TNRC18: variants seen among roughly 807,000 people sequenced by gnomAD.
TNRC18 encodes trinucleotide repeat containing 18, also known as trinucleotide repeat-containing gene 18 protein.
TNRC18 carries 69 observed loss-of-function variants against 226.7 expected under a neutral mutation model. The ratio of observed to expected loss-of-function variants is 0.30; its 90% CI spans 0.25 to 0.37. TNRC18 has a LOEUF of 0.37. Ranked by LOEUF, TNRC18 falls within the 10% of genes least tolerant of loss-of-function variation. The pLI is 1.00. For missense variants in TNRC18, 4,754 were observed against 4,256.6 expected (o/e 1.12, Z -3.25); for synonymous variants, 2,449 against 1,927.6 (o/e 1.27, Z -7.09).
intron 2 of TNRC18, chr7:5,420,675 G>T (rs997193942): frequency 2.1e-6 from 1 of 487,730 alleles, no homozygotes; most frequent in Non-Finnish European, 4.0e-6. Context: ...CCAAGAAAAA[G>T]ATTCGAGCTC....
chr7:5,369,110 G>A (rs1793914630), intron 11 of TNRC18, among the ~76,000 whole-genome samples: 1 of 152,174 alleles, frequency 6.6e-6, no homozygotes, highest in Non-Finnish European at 1.5e-5. Context: ...CACTTTGGGA[G>A]GCCAAGGCAG....
Position 5,313,028 on chromosome 7 carries a change from G to C in TNRC18, c.7863C>G (p.Ser2621=), listed in dbSNP as rs138591330. Residue 2621 remains serine (S), a synonymous_variant, in exon 27 of 30, where the codon TCC becomes TCG. Transcript: ENST00000430969. ...SPASSSSSSS[S]SSSSSSSSSS... Reference sequence around the variant, plus strand: ...ATGAGGAGGAGGAGGAGGAGGAGGAGGAGGATGAGGAGGAGGAGGAGGAGG... The same window carrying C: ...ATGAGGAGGAGGAGGAGGAGGAGGACGAGGATGAGGAGGAGGAGGAGGAGG... 1.1e-6 allele frequency: 1 copy of C among 871,802 alleles called. No individual in the cohort carries two copies. Among genetic ancestry groups the C allele is most frequent in the Non-Finnish European group, 1.8e-6 (1 of 549,406 alleles). 54.0% of individuals were successfully genotyped at this position (871,802 alleles called of 1,614,324 possible). A position where few individuals can be genotyped will look rare whatever the true frequency, so the allele number is the denominator to read the frequency against.
At chr7:5,385,494 C>CAAAAAAAA (rs60919833) in intron 5 of TNRC18, among the ~76,000 whole-genome samples, 4 of 88,094 alleles carry the variant, frequency 4.5e-5, no homozygotes, top group Non-Finnish European at 4.8e-5. Context: ...GACTCCGTCT[C>CAAAAAAAA]AAAAAAAAAA....
At chr7:5,375,915 T>C (rs2128179159) in intron 9 of TNRC18, 119 bp downstream of exon 9, 2 of 1,023,248 alleles carry the variant, frequency 2.0e-6, no homozygotes, top group East Asian at 5.3e-5. Context: ...CCTGACCACC[T>C]GCCCCTCTGC....
At chr7:5,345,921 C>T in intron 17 of TNRC18, 111 bp from the exon 18 acceptor site, 3 of 1,414,422 alleles carry the variant, frequency 2.1e-6, no homozygotes, top group South Asian at 1.5e-5. Flanking sequence ...TCCCTCAGTC[C>T]TGAGCAGGGG....
intron 16 of TNRC18, among the ~76,000 whole-genome samples, chr7:5,354,612 C>A (rs1230730234): frequency 6.6e-6 from 1 of 152,044 alleles, no homozygotes; most frequent in East Asian, 1.9e-4. Context: ...CACACCCATC[C>A]CAATCAAAGA....
At chr7:5,382,861 C>G (rs946886925) in intron 5 of TNRC18, among the ~76,000 whole-genome samples, 4 of 152,154 alleles carry the variant, frequency 2.6e-5, no homozygotes, top group Non-Finnish European at 5.9e-5. Context: ...ATGGAGCTGT[C>G]TGTTCATACG....
chr7:5,328,394 G>A (rs897481355), intron 19 of TNRC18, among the ~76,000 whole-genome samples: 7 of 151,926 alleles, frequency 4.6e-5, no homozygotes, highest in Non-Finnish European at 8.8e-5. Context: ...TTAGTCAGAC[G>A]TGGTGGTATA....
intron 18 of TNRC18, among the ~76,000 whole-genome samples, chr7:5,333,255 G>A (rs1583808237): frequency 1.3e-5 from 2 of 152,132 alleles, no homozygotes; most frequent in South Asian, 4.1e-4. Context: ...ACGCCGCCTC[G>A]GCTGCCCGGA....
chr7:5,349,748 A>G (rs1383399655), intron 17 of TNRC18, among the ~76,000 whole-genome samples: 1 of 152,208 alleles, frequency 6.6e-6, no homozygotes, highest in Non-Finnish European at 1.5e-5. Flanking sequence ...GGGAGGGGTC[A>G]AGGGTGGAGG....
chr7:5,359,933 A>G (rs1339486411), intron 14 of TNRC18, among the ~76,000 whole-genome samples: 1 of 151,956 alleles, frequency 6.6e-6, no homozygotes, highest in African/African-American at 2.4e-5. Context: ...TGGCAGGGGG[A>G]GTTCAGAACA....
rs1786632558 is a variant in TNRC18 at position 5,307,262 on chromosome 7, T to TAAAG, written c.*843_*844insCTTT. On this transcript the variant is annotated 3_prime_UTR_variant, in exon 30 of 30. Transcript: ENST00000430969. ...CACAGTTTTAAAAAGTTTATATATA[T>TAAAG]ATTTATATATATTTATCTTTATATA... 1.3e-5 allele frequency: 2 copies of TAAAG among 148,794 alleles called. No individual in the cohort carries two copies. The highest frequency in any genetic ancestry group is 2.4e-5 in the African/African-American group (1 of 40,918). The allele number at this position is 148,794 out of a possible 1,614,324, so 9.2% of individuals were successfully genotyped here.
chr7:5,389,461 G>GTTTTTTTGTGTTTTTTTTGTTTTTT lies in TNRC18; in HGVS notation c.488-126_488-125insAAAAAACAAAAAAAACACAAAAAAA, dbSNP rs1554297477. The GTTTTTTTGTGTTTTTTTTGTTTTTT allele has an allele frequency of 4.4e-5, 25 of 565,558 alleles. 1 individual carries two copies. Among genetic ancestry groups the GTTTTTTTGTGTTTTTTTTGTTTTTT allele is most frequent in the African/African-American group, 1.9e-4 (7 of 36,768 alleles). 35.0% of individuals were successfully genotyped at this position (565,558 alleles called of 1,614,324 possible). ...TGCCTCCCCCAGTGTTTTGGTTTTG[G>GTTTTTTTGTGTTTTTTTTGTTTTTT]TTTTTTTTTTCAGAAAGAGTCTCGC... On this transcript the variant is annotated intron_variant, in intron 4 of 29. Coordinates refer to ENST00000430969, the MANE Select transcript of TNRC18 (RefSeq NM_001080495.3).
At position 5,389,121 on chromosome 7, in the gene TNRC18, G is replaced by T; in HGVS notation, c.703C>A (p.Pro235Thr). Reference protein sequence around the residue: ...PRARGEEASGPRGVVDLTQEA... With the variant: ...PRARGEEASGTRGVVDLTQEA... ...TGGGTCAGGTCCACCACGCCCCGTG[G>T]CCCCGAGGCCTCCTCGCCCCGGGCG... Residue 235 changes from proline (P) to threonine (T), a missense_variant, in exon 5 of 30, where the codon CCA (proline) becomes ACA (threonine). Physicochemically the swap from Pro to Thr is conservative, Grantham distance 38 (BLOSUM62 -1). Coordinates refer to ENST00000430969, the MANE Select transcript of TNRC18 (RefSeq NM_001080495.3). 1 of 1,317,144 alleles carries T rather than the reference G, an allele frequency of 7.6e-7. No individual in the cohort carries two copies. 81.6% of individuals were successfully genotyped at this position (1,317,144 alleles called of 1,614,324 possible). A position where few individuals can be genotyped will look rare whatever the true frequency, so the allele number is the denominator to read the frequency against.
chr7:5,346,027 A>G (rs1003784915), intron 17 of TNRC18, among the ~76,000 whole-genome samples: 23 of 152,206 alleles, frequency 1.5e-4, no homozygotes, highest in Non-Finnish European at 2.9e-4. Context: ...CATCCCAGAA[A>G]GCCCGGAGGT....
At chr7:5,420,510 C>T in intron 2 of TNRC18, 1 of 448,558 alleles carries the variant, frequency 2.2e-6, no homozygotes, top group Non-Finnish European at 4.5e-6. Context: ...GCCCCGAGGC[C>T]AGGGTCCCAA....
chr7:5,320,995 A>G (rs1788293469), intron 22 of TNRC18, 78 bp downstream of exon 22: 1 of 1,035,448 alleles, frequency 9.7e-7, no homozygotes, highest in Non-Finnish European at 1.4e-6. Flanking sequence ...AAGGAGAAGC[A>G]GCCAGGCACA....
intron 11 of TNRC18, among the ~76,000 whole-genome samples, chr7:5,369,560 G>A (rs1370660047): frequency 2.0e-5 from 3 of 151,992 alleles, no homozygotes; most frequent in Admixed American, 6.6e-5. Context: ...GAGAAAAGTC[G>A]AACAGCAAGA....
Position 5,389,002 on chromosome 7 carries a change from C to A in TNRC18, c.822G>T (p.Ala274=). The change falls in exon 5 of 30, where the codon GCG becomes GCT. Residue 274 remains alanine, a synonymous_variant. Coordinates refer to ENST00000430969, the MANE Select transcript of TNRC18 (RefSeq NM_001080495.3). ...PFLAESKTKN[A]ALQPSVLTMC... is the part of the protein sequence containing the mutation. ...TGGTCAGTACCGACGGCTGCAGCGC[C>A]GCATTCTTGGTCTTGGACTCAGCCA... 1 of 1,358,774 alleles carries A rather than the reference C, an allele frequency of 7.4e-7. No homozygotes were observed. The highest frequency in any genetic ancestry group is 9.5e-7 in the Non-Finnish European group (1 of 1,047,836). 84.2% of individuals were successfully genotyped at this position (1,358,774 alleles called of 1,614,324 possible).
Sources: allele counts gnomAD v4.1 joint callset (sites outside exome capture counted in the v4.1 genomes callset), GRCh38; gene constraint gnomAD v4.1.1; transcripts MANE v1.5; gene names NCBI Gene and HGNC (gene_info 2026-07-23, HGNC 2026-07-21).